SNRNP200: variants seen among roughly 807,000 people sequenced by gnomAD.
SNRNP200 encodes the protein small nuclear ribonucleoprotein U5 subunit 200.
Under a neutral mutation model 255.2 loss-of-function variants are expected in SNRNP200, and 66 were observed. That is an observed-to-expected ratio of 0.26 (90% CI 0.21 to 0.32). The LOEUF (loss-of-function observed/expected upper bound fraction) is 0.32. Among genes scored for constraint, SNRNP200 ranks in the 10% least tolerant of loss-of-function variants. The pLI, the probability that SNRNP200 is intolerant of heterozygous loss-of-function variation, is 1.00. For synonymous variants in SNRNP200, 939 were observed against 1,027.8 expected (o/e 0.91, Z 1.65); for missense variants, 1,585 against 2,749.8 (o/e 0.58, Z 9.47).
chr2:96,292,189 C>T (rs1043073166), intron 16 of SNRNP200, among the ~76,000 whole-genome samples: 1 of 152,246 alleles, frequency 6.6e-6, no homozygotes, highest in African/African-American at 2.4e-5. Flanking sequence ...GGCCTCTCAA[C>T]TCAGAATTTA....
chr2:96,289,135 A>AT lies in SNRNP200; in HGVS notation c.3094-19_3094-18insA. ...TTCTCCTCCTGCCACAAGGAGGAAAAGGTCAAGGGAAAGCCTTGTGGCCGA... is the reference window on the plus strand; with the variant it reads ...TTCTCCTCCTGCCACAAGGAGGAAAATGGTCAAGGGAAAGCCTTGTGGCCGA... On this transcript the variant is annotated intron_variant, in intron 22 of 44. Transcript: ENST00000323853. The AT allele has an allele frequency of 6.2e-7, 1 of 1,613,908 alleles. No homozygotes were observed. Among genetic ancestry groups the AT allele is most frequent in the Non-Finnish European group, 8.5e-7 (1 of 1,179,886 alleles).
In SNRNP200 at chr2:96,292,953, C is replaced by A. The variant is rs761459965; in HGVS notation, c.2160+19G>T. ...TCGAAAGAATGGGGTTCAAGAGTAACCATAAACCACGGGCAAACCTGATTT... is the reference window on the plus strand; with the variant it reads ...TCGAAAGAATGGGGTTCAAGAGTAAACATAAACCACGGGCAAACCTGATTT... On this transcript the variant is annotated intron_variant, in intron 16 of 44. Coordinates refer to ENST00000323853, the MANE Select transcript of SNRNP200 (RefSeq NM_014014.5). 4 of 1,613,534 alleles carry A rather than the reference C, an allele frequency of 2.5e-6. No homozygotes were observed. Among genetic ancestry groups the A allele is most frequent in the Admixed American group, 1.7e-5 (1 of 60,014 alleles).
chr2:96,286,534 C>T lies in SNRNP200; in HGVS notation c.3830-50G>A. ...TATAAGCACTGCTCTCTTTCCCTCA[C>T]TGGCCTCTAGATCCCCTCCATGAAC... On this transcript the variant is annotated intron_variant, in intron 28 of 44. Transcript: ENST00000323853. The surrounding 1 kb of genome is among the most constrained non-coding windows in gnomAD (Gnocchi z 4.8). 1 of 1,608,454 alleles carries T rather than the reference C, an allele frequency of 6.2e-7. No homozygotes were observed.
rs201913122 is a variant in SNRNP200, at chr2:96,301,510, A to C, written c.574+14T>G. 3 of 1,613,748 alleles carry C rather than the reference A, an allele frequency of 1.9e-6. No individual in the cohort carries two copies. In the East Asian group the frequency reaches 6.7e-5, roughly 36 times the overall value. On this transcript the variant is annotated intron_variant, in intron 4 of 44. Transcript: ENST00000323853. ...AACCAATGAACATGATCAGAACATA[A>C]AGCGCGCACTTACCCATATTTTGGA...
At chr2:96,275,427 AAAAG>A (rs1381558487) in intron 43 of SNRNP200, 78 bp from the exon 44 acceptor site, 1 of 1,215,982 alleles carries the variant, frequency 8.2e-7, no homozygotes, top group African/African-American at 1.5e-5. Context: ...GTACAGTTAC[AAAAG>A]AGAGAACAAA....
intron 2 of SNRNP200, among the ~76,000 whole-genome samples, chr2:96,304,442 G>GA (rs2063974435): frequency 6.6e-6 from 1 of 152,144 alleles, no homozygotes; most frequent in African/African-American, 2.4e-5. Flanking sequence ...CAAGGGTCTT[G>GA]AAAATACCCT....
In SNRNP200 at chr2:96,296,962, C is replaced by T; in HGVS notation, c.1486G>A (p.Asp496Asn). The change falls in exon 12 of 45, where the codon GAT (aspartate) becomes AAT (asparagine). Residue 496 changes from aspartate (D) to asparagine (N), a missense_variant. Asp to Asn is a conservative substitution (Grantham distance 23). This residue lies in a region of SNRNP200 where 383 missense variants were observed against 645.3 expected (regional missense o/e 0.59). Transcript: ENST00000323853. ...SKLYRAALET[D>N]ENLLLCAPTG... ...GGAGCACACAGCAGCAGATTCTCAT[C>T]CGTCTCAAGGGCAGCACGGTAGAGC... 1 of 1,614,258 alleles carries T rather than the reference C, an allele frequency of 6.2e-7. No homozygotes were observed. Among genetic ancestry groups the T allele is most frequent in the East Asian group, 2.2e-5 (1 of 44,894 alleles).
At chr2:96,279,187 C>T (rs1684719040) in intron 36 of SNRNP200, 189 bp from the exon 37 acceptor site, 5 of 664,006 alleles carry the variant, frequency 7.5e-6, no homozygotes, top group South Asian at 3.5e-5. Context: ...CAGCAAGTCA[C>T]GAGGGCAGAG....
At chr2:96,294,881 T>G (rs1021137556) in intron 14 of SNRNP200, among the ~76,000 whole-genome samples, 2 of 152,190 alleles carry the variant, frequency 1.3e-5, no homozygotes, top group Non-Finnish European at 2.9e-5. Flanking sequence ...AGATCAAGTG[T>G]AGTAAAATAT....
rs1684696058 is a variant in SNRNP200 at position 96,277,954 on chromosome 2, C to T, written c.5611-4G>A. The T allele has an allele frequency of 1.2e-6, 2 of 1,614,218 alleles. No homozygotes were observed. Among genetic ancestry groups the T allele is most frequent in the South Asian group, 2.2e-5 (2 of 91,086 alleles). On this transcript the variant is annotated splice_region_variant and splice_polypyrimidine_tract_variant and intron_variant, in intron 39 of 44. Coordinates refer to ENST00000323853, the MANE Select transcript of SNRNP200 (RefSeq NM_014014.5). The surrounding 1 kb of genome is among the most constrained non-coding windows in gnomAD (Gnocchi z 4.4). Reference sequence around the variant, plus strand: ...TGTGGGGGACCTTCTGAGCCAACTACAAAGTGGAAGAAAAATAGCTGGTGA... The same window carrying T: ...TGTGGGGGACCTTCTGAGCCAACTATAAAGTGGAAGAAAAATAGCTGGTGA...
rs953377739 is a variant in SNRNP200 at position 96,274,602 on chromosome 2, G to A, written c.*410C>T. 15 of 329,178 alleles carry A rather than the reference G, an allele frequency of 4.6e-5. No homozygotes were observed. Among genetic ancestry groups the A allele is most frequent in the African/African-American group, 3.0e-4 (14 of 46,400 alleles). 20.4% of individuals were successfully genotyped at this position (329,178 alleles called of 1,614,324 possible). On this transcript the variant is annotated 3_prime_UTR_variant, in exon 45 of 45. Transcript: ENST00000323853. ...GGCTACAGGGGACAGCACACCTAAT[G>A]AGCAGGTCTGTCCTCCAGACATACT...
Position 96,298,625 on chromosome 2 carries a change from C to A in SNRNP200, c.960G>T (p.Val320=), listed in dbSNP as rs1374375717. The A allele has an allele frequency of 6.2e-7, 1 of 1,614,214 alleles. No individual in the cohort carries two copies. Among genetic ancestry groups the A allele is most frequent in the South Asian group, 1.1e-5 (1 of 91,074 alleles). ...CACTCATCATCCTGTGCTGCCGCAACACTTTAATGAAATCAAAGGTGTTGA... is the reference window on the plus strand; with the variant it reads ...CACTCATCATCCTGTGCTGCCGCAAAACTTTAATGAAATCAAAGGTGTTGA... ...LGFNTFDFIK[V]LRQHRMMILY... The change falls in exon 8 of 45, where the codon GTG becomes GTT. Residue 320 remains valine, a synonymous_variant. Coordinates refer to ENST00000323853, the MANE Select transcript of SNRNP200 (RefSeq NM_014014.5).
At position 96,274,953 on chromosome 2, in the gene SNRNP200, T is replaced by C. The variant is rs1684629193; in HGVS notation, c.*59A>G. 1.2e-6 allele frequency: 2 copies of C among 1,600,492 alleles called. No homozygotes were observed. Among genetic ancestry groups the C allele is most frequent in the Admixed American group, 1.7e-5 (1 of 60,018 alleles). The stretch of plus-strand genomic sequence containing the variant: ...GTCCCCACAACCAGGATTCCTACAA[T>C]GTACACATTCCTAATTCAGGCTCAA... On this transcript the variant is annotated 3_prime_UTR_variant, in exon 45 of 45. Coordinates refer to ENST00000323853, the MANE Select transcript of SNRNP200 (RefSeq NM_014014.5).
intron 43 of SNRNP200, 103 bp from the exon 44 acceptor site, chr2:96,275,452 C>G: frequency 1.0e-6 from 1 of 975,254 alleles, no homozygotes; most frequent in Non-Finnish European, 1.6e-6. Context: ...AATCAGATAG[C>G]TTTCCAAAGT....
At position 96,278,742 on chromosome 2, in the gene SNRNP200, C is replaced by G. The variant is rs78519182; in HGVS notation, c.5324-31G>C. 0.015 allele frequency: 24,714 copies of G among 1,614,160 alleles called. 257 individuals are homozygous for G. The highest frequency in any genetic ancestry group is 0.024 in the South Asian group (2,170 of 91,082). On this transcript the variant is annotated intron_variant, in intron 37 of 44. Coordinates refer to ENST00000323853, the MANE Select transcript of SNRNP200 (RefSeq NM_014014.5). This position sits in a 1 kb window ranked among gnomAD's most constrained non-coding sequence, Gnocchi z 6.9. ...GAGGCGAGAGGTGAGTGGGGAGCCTCAAGAAGATGCCCAGCAAAGACTGTG... is the reference window on the plus strand; with the variant it reads ...GAGGCGAGAGGTGAGTGGGGAGCCTGAAGAAGATGCCCAGCAAAGACTGTG...
At chr2:96,299,166 G>C (rs1176878007) in intron 6 of SNRNP200, among the ~76,000 whole-genome samples, 163 bp downstream of exon 6, 1 of 152,202 alleles carries the variant, frequency 6.6e-6, no homozygotes, top group Non-Finnish European at 1.5e-5. Context: ...TGGGAAGGAA[G>C]AAAACCGACA....
At chr2:96,281,959 G>T in intron 34 of SNRNP200, 37 bp from the exon 35 acceptor site, 2 of 1,526,898 alleles carry the variant, frequency 1.3e-6, no homozygotes, top group Non-Finnish European at 9.1e-7. Flanking sequence ...TGAGGGCAGG[G>T]GTCTCCGGGT....
Position 96,275,143 on chromosome 2 carries a change from A to C in SNRNP200, c.6280T>G (p.Phe2094Val). 1 of 1,614,278 alleles carries C rather than the reference A, an allele frequency of 6.2e-7. No individual in the cohort carries two copies. The highest frequency in any genetic ancestry group is 8.5e-7 in the Non-Finnish European group (1 of 1,180,042). ...LQQKAKVKLDFVAPATGAHNY... is the reference protein window; with the variant it reads ...LQQKAKVKLDVVAPATGAHNY... Reference sequence around the variant, plus strand: ...TGGGCACCAGTGGCTGGGGCCACAAAGTCCAACTTCACCTAGAAAGAGCAG... The same window carrying C: ...TGGGCACCAGTGGCTGGGGCCACAACGTCCAACTTCACCTAGAAAGAGCAG... The change falls in exon 45 of 45, where the codon TTT becomes GTT. Residue 2094 changes from phenylalanine to valine, a missense_variant. Coordinates refer to ENST00000323853, the MANE Select transcript of SNRNP200 (RefSeq NM_014014.5).
intron 43 of SNRNP200, among the ~76,000 whole-genome samples, chr2:96,275,822 G>C (rs1684645966): frequency 1.3e-5 from 2 of 152,354 alleles, no homozygotes; most frequent in Non-Finnish European, 2.9e-5. Context: ...CTAACATGGT[G>C]AAACTCCGTC....
Sources: gnomAD v4.1 joint callset for allele counts (sites outside exome capture counted in the v4.1 genomes callset) on GRCh38, gnomAD v4.1.1 for gene constraint, gnomAD v4.1.1 regional missense constraint, Gnocchi (gnomAD v3.1) non-coding constraint, MANE v1.5 for transcripts, NCBI Gene and HGNC (gene_info 2026-07-23, HGNC 2026-07-21) for gene names.